USP28: variants seen among roughly 807,000 people sequenced by gnomAD.
The protein encoded by USP28 is ubiquitin specific peptidase 28.
In USP28, 113 loss-of-function variants were observed where a neutral mutation model predicts 145.0. That is an observed-to-expected ratio of 0.78 (90% confidence interval 0.67 to 0.91). The LOEUF (loss-of-function observed/expected upper bound fraction) is 0.91, where lower values mean the gene tolerates loss of function less well. USP28 is among the 40% of genes least tolerant of loss of function. The pLI is 0.00. For synonymous variants in USP28, 447 were observed against 450.9 expected, an observed-to-expected ratio of 0.99 and a Z score of 0.11; for missense variants, 1,201 against 1,289.6, an observed-to-expected ratio of 0.93 and a Z score of 1.05.
intron 1 of USP28, among the ~76,000 whole-genome samples, chr11:113,863,544 C>G (rs899249565): frequency 4.6e-5 from 7 of 151,218 alleles, no homozygotes; most frequent in African/African-American, 1.7e-4. Flanking sequence ...TCTCAGAAGG[C>G]TGAAGTGGGA....
chr11:113,875,500 A>C (rs1441692886), exon 1 of USP28: 1 of 1,177,594 alleles, frequency 8.5e-7, no homozygotes, highest in African/African-American at 1.6e-5. Flanking sequence ...CTCCGCAGTC[A>C]TGGCCGAGGC....
At chr11:113,813,591 G>A (rs1718330048) in intron 15 of USP28, among the ~76,000 whole-genome samples, 1 of 152,132 alleles carries the variant, frequency 6.6e-6, no homozygotes, top group African/African-American at 2.4e-5. Flanking sequence ...ACTACTTAAA[G>A]TACCATTTTG....
chr11:113,844,369 G>A (rs1038991373), intron 3 of USP28, among the ~76,000 whole-genome samples: 4 of 152,092 alleles, frequency 2.6e-5, no homozygotes, highest in Admixed American at 6.5e-5. Context: ...CCCGGGAGCC[G>A]GGAGGCAGAG....
chr11:113,872,958 C>G (rs1328687413), intron 1 of USP28, among the ~76,000 whole-genome samples: 1 of 152,156 alleles, frequency 6.6e-6, no homozygotes, highest in African/African-American at 2.4e-5. Context: ...ACATATTTCT[C>G]GCACTAAAAT....
At chr11:113,853,902 T>C (rs1946757237) in intron 2 of USP28, among the ~76,000 whole-genome samples, 1 of 125,530 alleles carries the variant, frequency 8.0e-6, no homozygotes, top group South Asian at 2.4e-4. Context: ...AGTATATATA[T>C]ATACATACCT....
intron 24 of USP28, 30 bp downstream of exon 25, chr11:113,801,453 C>T: frequency 6.7e-7 from 1 of 1,493,046 alleles, no homozygotes; most frequent in Non-Finnish European, 9.1e-7. Flanking sequence ...ATTCTCAAAA[C>T]CTCAGAATAT....
In USP28 at chr11:113,827,389, A is replaced by G. The variant is rs186571247; in HGVS notation, c.1060-29T>C. The G allele has an allele frequency of 7.7e-6, 12 of 1,548,660 alleles. No homozygotes were observed. In the Admixed American group the frequency reaches 2.0e-4, roughly 26 times the overall value. ...GTGTCAAGAGTAGAAATGTGAGAGA[A>G]AGAAAAATTAATTTTAGGAAATTAC... On this transcript the variant is annotated intron_variant, in intron 10 of 24. Coordinates refer to ENST00000003302, the Ensembl canonical transcript of USP28.
At chr11:113,845,759 G>A (rs1945764313) in intron 3 of USP28, among the ~76,000 whole-genome samples, 1 of 152,140 alleles carries the variant, frequency 6.6e-6, no homozygotes, top group Non-Finnish European at 1.5e-5. Context: ...ATCTTTTGTA[G>A]AGACAGGGAT....
chr11:113,799,534 T>A (rs564032913), intron 24 of USP28, 119 bp from the exon 26 acceptor site: 2 of 1,153,302 alleles, frequency 1.7e-6, no homozygotes, highest in African/African-American at 3.2e-5. Flanking sequence ...GCTGGCCAGT[T>A]ACTAATAAAT....
intron 5 of USP28, among the ~76,000 whole-genome samples, chr11:113,838,818 T>C (rs1056020262): frequency 1.3e-5 from 2 of 152,206 alleles, no homozygotes; most frequent in Non-Finnish European, 2.9e-5. Context: ...GTCACTGCTG[T>C]TTCCCCAGAG....
chr11:113,845,452 A>T (rs56694697), intron 3 of USP28, among the ~76,000 whole-genome samples: 1 of 150,248 alleles, frequency 6.7e-6, no homozygotes, highest in Admixed American at 6.8e-5. Flanking sequence ...AAAAATTAAT[A>T]AATAAATAAA....
In USP28 at chr11:113,829,036, T is replaced by C. The variant is rs1943686339; in HGVS notation, c.1059+161A>G. ...TAAAAATTATTTATCAAAGTACTGA[T>C]ACTCACTGACTCACATCAACTGATG... On this transcript the variant is annotated intron_variant, in intron 10 of 24. Coordinates refer to ENST00000003302, the Ensembl canonical transcript of USP28. The C allele has an allele frequency of 1.0e-5, 9 of 889,686 alleles. No homozygotes were observed. In the East Asian group the frequency reaches 2.1e-4, roughly 21 times the overall value. 55.1% of individuals were successfully genotyped at this position (889,686 alleles called of 1,614,324 possible). A position where few individuals can be genotyped will look rare whatever the true frequency, so the allele number is the denominator to read the frequency against.
intron 3 of USP28, among the ~76,000 whole-genome samples, chr11:113,845,631 T>C (rs550200128): frequency 2.6e-5 from 4 of 152,198 alleles, no homozygotes; most frequent in African/African-American, 9.6e-5. Context: ...TAGAGGGCAG[T>C]AGGTACAATC....
intron 1 of USP28, among the ~76,000 whole-genome samples, chr11:113,860,751 G>A (rs745525361): frequency 4.7e-5 from 7 of 150,122 alleles, no homozygotes; most frequent in East Asian, 4.0e-4. Flanking sequence ...CCTGGGAGGC[G>A]GAGCTTGAAG....
At chr11:113,827,999 G>A (rs1273122585) in intron 10 of USP28, among the ~76,000 whole-genome samples, 1 of 152,152 alleles carries the variant, frequency 6.6e-6, no homozygotes, top group Non-Finnish European at 1.5e-5. Context: ...TGTTACTTGA[G>A]TTTCAAAGAA....
intron 5 of USP28, among the ~76,000 whole-genome samples, chr11:113,839,774 C>T (rs975738909): frequency 3.3e-5 from 5 of 152,058 alleles, no homozygotes; most frequent in Non-Finnish European, 7.4e-5. Context: ...CCTCTAATCC[C>T]AGTACTTTGG....
exon 5 of USP28, chr11:113,840,721 T>C (rs1427058365): frequency 6.2e-7 from 1 of 1,614,218 alleles, no homozygotes; most frequent in African/African-American, 1.3e-5. Flanking sequence ...GTTTTCTCTT[T>C]GAGCGTTTAG....
exon 18 of USP28, chr11:113,808,423 A>G (rs1013359467): frequency 6.2e-7 from 1 of 1,613,944 alleles, no homozygotes; most frequent in African/African-American, 1.3e-5. Flanking sequence ...CCATGAGAAG[A>G]GGCTACTGAA....
intron 1 of USP28, among the ~76,000 whole-genome samples, chr11:113,859,128 C>T (rs1947375884): frequency 6.6e-6 from 1 of 152,170 alleles, no homozygotes; most frequent in African/African-American, 2.4e-5. Flanking sequence ...CCTCCCACCA[C>T]AGCCTTCCAG....
Sources: gnomAD v4.1 joint callset for allele counts (sites outside exome capture counted in the v4.1 genomes callset) on GRCh38, gnomAD v4.1.1 for gene constraint, MANE v1.5 for transcripts, NCBI Gene and HGNC (gene_info 2026-07-23, HGNC 2026-07-21) for gene names.